Variants in ATRN observed in about 807,000 individuals in gnomAD.
ATRN encodes the protein attractin, also known as attractin-2.
A neutral mutation model predicts 178.7 loss-of-function variants in ATRN; 54 were observed. That is an observed-to-expected ratio of 0.30 (90% CI 0.24 to 0.38). The LOEUF is 0.38. Ranked by LOEUF, ATRN falls within the 10% of genes least tolerant of loss-of-function variation. The probability of loss-of-function intolerance (pLI) is 1.00; values close to 1 mark genes in which losing one functional copy is unlikely to be tolerated. For synonymous variants in ATRN, 636 were observed against 663.0 expected (o/e 0.96, Z 0.63); for missense variants, 1,443 against 1,815.1 (o/e 0.79, Z 3.73).
chr20:3,614,967 A>G (rs890557755), intron 24 of ATRN, among the ~76,000 whole-genome samples: 1 of 152,088 alleles, frequency 6.6e-6, no homozygotes, highest in African/African-American at 2.4e-5. Context: ...TAGCTGAATA[A>G]TCTTCCTTAT....
chr20:3,543,624 C>T (rs930322515), intron 3 of ATRN, among the ~76,000 whole-genome samples: 10 of 151,744 alleles, frequency 6.6e-5, no homozygotes, highest in African/African-American at 2.2e-4. Flanking sequence ...ACTGAGGAGG[C>T]TGAGGCAGGG....
chr20:3,576,054 G>C (rs999218092), intron 13 of ATRN, 106 bp downstream of exon 13: 8 of 1,276,556 alleles, frequency 6.3e-6, no homozygotes, highest in Non-Finnish European at 8.2e-6. Flanking sequence ...CTTTTCAAAT[G>C]GGTTTCTATT....
intron 1 of ATRN, among the ~76,000 whole-genome samples, chr20:3,508,563 C>G (rs966972510): frequency 2.0e-5 from 3 of 152,074 alleles, no homozygotes; most frequent in African/African-American, 7.2e-5. Context: ...AAATATACTT[C>G]AAAAATGAAG....
chr20:3,563,869 T>C (rs912646870), intron 10 of ATRN, among the ~76,000 whole-genome samples: 5 of 152,232 alleles, frequency 3.3e-5, no homozygotes, highest in African/African-American at 9.7e-5. Flanking sequence ...TTTTTGATTG[T>C]GGTAAAATAC....
chr20:3,522,880 G>C (rs1299631065), intron 1 of ATRN, among the ~76,000 whole-genome samples: 1 of 152,040 alleles, frequency 6.6e-6, no homozygotes, highest in African/African-American at 2.4e-5. Context: ...TCAACAAAAA[G>C]GACGTCCATA....
chr20:3,540,958 T>G (rs1016806442), intron 3 of ATRN, among the ~76,000 whole-genome samples: 2 of 152,220 alleles, frequency 1.3e-5, no homozygotes, highest in Admixed American at 6.5e-5. Flanking sequence ...TGGACTGTTC[T>G]GAATTGTTTG....
At chr20:3,547,654 G>A (rs1265123581) in intron 5 of ATRN, among the ~76,000 whole-genome samples, 165 bp downstream of exon 5, 1 of 151,990 alleles carries the variant, frequency 6.6e-6, no homozygotes, top group Non-Finnish European at 1.5e-5. Flanking sequence ...TATGAATTTC[G>A]GTTTCATACA....
chr20:3,494,376 A>G (rs238718), intron 1 of ATRN, among the ~76,000 whole-genome samples: 67,815 of 151,962 alleles, frequency 0.45, 17,968 homozygotes, highest in African/African-American at 0.74. Flanking sequence ...TTTCCAGGCA[A>G]GTTTTGACAT....
rs765669289 is a variant in ATRN, at chr20:3,638,830, A to C, written c.3945A>C (p.Gln1315His). Residue 1315 changes from glutamine to histidine, a missense_variant and splice_region_variant, in exon 27 of 29, where the codon CAA (glutamine) becomes CAC (histidine). By Grantham distance (24) the Gln-to-His change is conservative. Around this residue, in one of 4 missense-constraint regions of ATRN, gnomAD observed 289 missense variants for 440.8 expected, o/e 0.66. Coordinates refer to ENST00000262919, the MANE Select transcript of ATRN (RefSeq NM_139321.3). This position sits in a 1 kb window ranked among gnomAD's most constrained non-coding sequence, Gnocchi z 4.5. ...GGCTTTGCCATATTATTTATCAGCA[A>C]CTTCTTCGAGAGATGCAACAGATGG... is the stretch of plus-strand genomic sequence containing the variant. ...QSCWASRRRE[Q>H]LLREMQQMAS... The C allele has an allele frequency of 4.3e-6, 7 of 1,613,960 alleles. No individual in the cohort carries two copies. The highest frequency in any genetic ancestry group is 5.9e-6 in the Non-Finnish European group (7 of 1,179,972).
At chr20:3,628,033 G>A (rs924360410) in intron 25 of ATRN, among the ~76,000 whole-genome samples, 2 of 152,100 alleles carry the variant, frequency 1.3e-5, no homozygotes, top group Non-Finnish European at 2.9e-5. Flanking sequence ...TTAGCCAGGC[G>A]CGGTGGTGGG....
At chr20:3,556,170 A>G (rs928400234) in intron 6 of ATRN, among the ~76,000 whole-genome samples, 2 of 152,236 alleles carry the variant, frequency 1.3e-5, no homozygotes, top group Non-Finnish European at 2.9e-5. Context: ...CACAAAGGAC[A>G]GAAGGTGATC....
chr20:3,537,294 G>C (rs1056637736), intron 2 of ATRN, among the ~76,000 whole-genome samples: 3 of 152,092 alleles, frequency 2.0e-5, no homozygotes, highest in Admixed American at 2.0e-4. Context: ...TCATTTTTAA[G>C]AAAATGTCTG....
intron 12 of ATRN, among the ~76,000 whole-genome samples, chr20:3,574,480 A>C (rs535178343): frequency 2.0e-5 from 3 of 152,102 alleles, no homozygotes; most frequent in Non-Finnish European, 2.9e-5. Context: ...GTGCCAGTGC[A>C]CTCCAGCCTG....
In ATRN at chr20:3,561,375, T is replaced by C. The variant is rs574387146; in HGVS notation, c.1447+470T>C. Among the ~76,000 whole-genome samples, 17 of 152,290 alleles carry C rather than the reference T, an allele frequency of 1.1e-4. No individual in the cohort carries two copies. The South Asian group carries it at 3.5e-3, about 32-fold the overall frequency. On this transcript the variant is annotated intron_variant, in intron 8 of 28. Transcript: ENST00000262919. ...AAGCAACATAGTTAACATTGATGTA[T>C]TACCAGTGAAATGCAGATTATCGAT...
chr20:3,565,796 CAAAAAAAA>C (rs10582104), intron 11 of ATRN, among the ~76,000 whole-genome samples: 2 of 100,238 alleles, frequency 2.0e-5, no homozygotes, highest in Admixed American at 2.2e-4. Context: ...GACTCTGTCT[CAAAAAAAA>C]AAAAAAAAAA....
intron 1 of ATRN, among the ~76,000 whole-genome samples, chr20:3,534,681 A>C (rs2085499477): frequency 6.6e-6 from 1 of 152,224 alleles, no homozygotes. Context: ...ATATAGTAAC[A>C]GATACTTGCT....
At chr20:3,633,823 A>G (rs952058627) in intron 25 of ATRN, among the ~76,000 whole-genome samples, 2 of 152,222 alleles carry the variant, frequency 1.3e-5, no homozygotes, top group Non-Finnish European at 2.9e-5. Context: ...ACTTAAAAAT[A>G]TGTATTTGTA....
chr20:3,532,802 G>A (rs965234878), intron 1 of ATRN, among the ~76,000 whole-genome samples: 7 of 151,510 alleles, frequency 4.6e-5, no homozygotes, highest in South Asian at 2.1e-4. Flanking sequence ...TCACTCTGTC[G>A]CCCAGGCTGG....
intron 1 of ATRN, among the ~76,000 whole-genome samples, chr20:3,497,258 G>A (rs1433623651): frequency 2.7e-5 from 4 of 150,722 alleles, no homozygotes; most frequent in South Asian, 2.1e-4. Context: ...TCCTAGTCTC[G>A]ATGGTCTTTA....
Sources: allele counts gnomAD v4.1 joint callset (sites outside exome capture counted in the v4.1 genomes callset), GRCh38; gene constraint gnomAD v4.1.1; regional missense constraint gnomAD v4.1.1; non-coding constraint Gnocchi (gnomAD v3.1); transcripts MANE v1.5; gene names NCBI Gene and HGNC (gene_info 2026-07-23, HGNC 2026-07-21).